Variants in STPG4 observed in about 807,000 individuals in gnomAD.
The protein encoded by STPG4 is protein STPG4.
STPG4 carries 41 observed loss-of-function variants against 31.5 expected under a neutral mutation model. The observed-to-expected ratio is 1.30, with a 90% CI of 1.01 to 1.69. The LOEUF (loss-of-function observed/expected upper bound fraction) is 1.69. Ranked by LOEUF, STPG4 falls within the 40% of genes most tolerant of loss-of-function variation. The pLI is 0.00. For missense variants in STPG4, 375 were observed against 293.4 expected (o/e 1.28, Z -2.03); for synonymous variants, 141 against 103.0 (o/e 1.37, Z -2.24).
chr2:47,151,255 T>C lies in STPG4; in HGVS notation c.399+3A>G. ...ACAAAGCAATCTGCCAGTAGCGCTT[T>C]ACCTGATCTTTGTCAACTAGTGTGC... On this transcript the variant is annotated splice_donor_region_variant and intron_variant, in intron 3 of 6. Coordinates refer to ENST00000445927, the MANE Select transcript of STPG4 (RefSeq NM_001163561.2). 1.2e-6 allele frequency: 2 copies of C among 1,614,176 alleles called. No homozygotes were observed. The highest frequency in any genetic ancestry group is 2.2e-5 in the South Asian group (2 of 91,068).
intron 5 of STPG4, among the ~76,000 whole-genome samples, chr2:47,093,139 C>T (rs1685604807): frequency 6.6e-6 from 1 of 152,200 alleles, no homozygotes; most frequent in African/African-American, 2.4e-5. Context: ...TGGCAGGTGG[C>T]ACAGCCATGT....
rs1217726414 is a variant in STPG4 at position 47,090,276 on chromosome 2, G to A, written c.618C>T (p.Ser206=). The part of the protein sequence containing the change: ...FQSRVPRFLP[S]CSKTPGPGAY... ...TGTCTTTCCGAATACTTACTGAACA[G>A]CTGGGCAAGAATCGAGGGACTCTGG... The change falls in exon 6 of 7, where the codon AGC becomes AGT. Residue 206 remains serine (S), a synonymous_variant. Transcript: ENST00000445927. The A allele has an allele frequency of 5.8e-6, 9 of 1,550,176 alleles. No individual in the cohort carries two copies. In the Admixed American group the frequency reaches 1.8e-4, roughly 30 times the overall value.
chr2:47,100,339 C>T (rs556299131), intron 5 of STPG4, among the ~76,000 whole-genome samples: 42 of 150,440 alleles, frequency 2.8e-4, no homozygotes, highest in East Asian at 5.9e-4. Context: ...ATGCACCAAT[C>T]CACACTCTGT....
chr2:47,118,751 A>G (rs978951207), intron 5 of STPG4, among the ~76,000 whole-genome samples: 1 of 152,140 alleles, frequency 6.6e-6, no homozygotes, highest in Non-Finnish European at 1.5e-5. Context: ...AATTAATACT[A>G]TCTCCCCAAG....
intron 5 of STPG4, among the ~76,000 whole-genome samples, chr2:47,114,581 T>C (rs937043760): frequency 2.0e-5 from 3 of 152,154 alleles, no homozygotes; most frequent in Non-Finnish European, 2.9e-5. Flanking sequence ...TATCTGAGCA[T>C]TGAGTACCAA....
At chr2:47,152,123 T>C (rs6760339) in intron 2 of STPG4, among the ~76,000 whole-genome samples, 21,078 of 152,122 alleles carry the variant, frequency 0.14, 1,936 homozygotes, top group African/African-American at 0.25. Context: ...AGCTTGACTA[T>C]GAATTTCAGA....
At position 47,130,957 on chromosome 2, in the gene STPG4, G is replaced by A. The variant is rs796730671; in HGVS notation, c.400-697C>T. On this transcript the variant is annotated intron_variant, in intron 3 of 6. Coordinates refer to ENST00000445927, the MANE Select transcript of STPG4 (RefSeq NM_001163561.2). ...CACATCCCAAGTAGCTGAGACTTCA[G>A]GTGTGTGCCACTGCACCCAGCTACT... Among the ~76,000 whole-genome samples, 16 of 152,030 alleles carry A rather than the reference G, an allele frequency of 1.1e-4. 1 individual carries two copies. Among genetic ancestry groups the A allele is most frequent in the African/African-American group, 3.9e-4 (16 of 41,446 alleles).
chr2:47,097,524 CT>C (rs890140192), intron 5 of STPG4, among the ~76,000 whole-genome samples: 2 of 152,082 alleles, frequency 1.3e-5, no homozygotes, highest in African/African-American at 4.8e-5. Flanking sequence ...CCTGAGGAAG[CT>C]TGTCTGCCTT....
chr2:47,128,249 A>G (rs2103777376), intron 5 of STPG4, among the ~76,000 whole-genome samples: 1 of 152,232 alleles, frequency 6.6e-6, no homozygotes, highest in South Asian at 2.1e-4. Flanking sequence ...CGGGTGACAC[A>G]AGCACCTCTA....
chr2:47,094,271 C>T (rs912542319), intron 5 of STPG4, among the ~76,000 whole-genome samples: 1 of 152,198 alleles, frequency 6.6e-6, no homozygotes, highest in Non-Finnish European at 1.5e-5. Context: ...AAAGCTAAGC[C>T]TTTCAAAGAC....
intron 1 of STPG4, among the ~76,000 whole-genome samples, chr2:47,154,710 G>A (rs1298849717): frequency 6.6e-6 from 1 of 152,222 alleles, no homozygotes; most frequent in Non-Finnish European, 1.5e-5. Context: ...CTGCCTGGGT[G>A]ACAGAGCGAG....
chr2:47,102,643 A>G (rs1685824082), intron 5 of STPG4, among the ~76,000 whole-genome samples: 1 of 151,792 alleles, frequency 6.6e-6, no homozygotes, highest in Non-Finnish European at 1.5e-5. Context: ...TAGCCTCCCT[A>G]TAGCTCCCCT....
intron 5 of STPG4, among the ~76,000 whole-genome samples, chr2:47,101,009 A>G (rs1338088095): frequency 6.6e-6 from 1 of 151,886 alleles, no homozygotes; most frequent in Non-Finnish European, 1.5e-5. Flanking sequence ...ACATTTGCCT[A>G]TCACCAAGCG....
At chr2:47,116,821 T>G (rs368006235) in intron 5 of STPG4, among the ~76,000 whole-genome samples, 3 of 152,192 alleles carry the variant, frequency 2.0e-5, no homozygotes, top group Admixed American at 1.3e-4. Context: ...ACAAAACATT[T>G]CTCAACAGTT....
intron 5 of STPG4, among the ~76,000 whole-genome samples, chr2:47,107,770 T>C (rs1013144607): frequency 2.6e-5 from 4 of 152,120 alleles, no homozygotes; most frequent in Non-Finnish European, 4.4e-5. Flanking sequence ...TGGAGAACCT[T>C]TATGTCTAGC....
At chr2:47,101,200 TA>T (rs1207347424) in intron 5 of STPG4, among the ~76,000 whole-genome samples, 1 of 151,786 alleles carries the variant, frequency 6.6e-6, no homozygotes, top group Non-Finnish European at 1.5e-5. Context: ...GACACCGGAC[TA>T]AAAACATGGG....
chr2:47,089,392 G>C (rs972266361), intron 6 of STPG4, among the ~76,000 whole-genome samples: 1 of 152,206 alleles, frequency 6.6e-6, no homozygotes, highest in African/African-American at 2.4e-5. Flanking sequence ...CATGGCCTGG[G>C]ATATAGGCTA....
intron 5 of STPG4, chr2:47,129,621 A>G: frequency 3.9e-6 from 1 of 258,468 alleles, no homozygotes; most frequent in Non-Finnish European, 7.3e-6. Context: ...CCAAGGGCAG[A>G]TTCTCTCTTC....
chr2:47,125,559 T>C (rs983719809), intron 5 of STPG4, among the ~76,000 whole-genome samples: 1 of 152,254 alleles, frequency 6.6e-6, no homozygotes, highest in African/African-American at 2.4e-5. Flanking sequence ...TTGTTTCCTT[T>C]GTTGTGCAGA....
Sources: gnomAD v4.1 joint callset for allele counts (sites outside exome capture counted in the v4.1 genomes callset) on GRCh38, gnomAD v4.1.1 for gene constraint, MANE v1.5 for transcripts, NCBI Gene and HGNC (gene_info 2026-07-23, HGNC 2026-07-21) for gene names.